The following GC variants were observed in gnomAD, a reference collection of about 807,000 sequenced individuals.
GC encodes the protein vitamin D-binding protein.
In GC, 43 loss-of-function variants were observed where a neutral mutation model predicts 56.7. The ratio of observed to expected loss-of-function variants is 0.76; its 90% confidence interval spans 0.59 to 0.98. The LOEUF is 0.98. GC is among the 50% of genes least tolerant of loss of function. The pLI, the probability that GC is intolerant of heterozygous loss-of-function variation, is 0.00. For synonymous variants in GC, 216 were observed against 202.7 expected (o/e 1.07, Z -0.56); for missense variants, 529 against 545.9 (o/e 0.97, Z 0.31).
In GC at chr4:71,797,401, C is replaced by T. The variant is rs10008328; in HGVS notation, c.21+6525G>A. On this transcript the variant is annotated intron_variant, in intron 1 of 13. Coordinates refer to the GC transcript ENST00000504199. ...CTACTCAAGCCTCAGCAATGGGGGA[C>T]ACCCCTCCTCCCGCTCAGCTGCAGC... 0.012 allele frequency among the ~76,000 whole-genome samples: 1,795 copies of T among 152,332 alleles called. 74 individuals carry two copies. The East Asian group carries it at 0.16, about 14-fold the overall frequency.
chr4:71,771,076 AG>A (rs1333539957), intron 1 of GC, among the ~76,000 whole-genome samples: 1 of 152,186 alleles, frequency 6.6e-6, no homozygotes, highest in Non-Finnish European at 1.5e-5. Context: ...AAAAAAATGT[AG>A]GAAGTATATA....
chr4:71,783,757 C>T (rs1742759190), intron 1 of GC, among the ~76,000 whole-genome samples: 1 of 151,612 alleles, frequency 6.6e-6, no homozygotes, highest in South Asian at 2.1e-4. Context: ...TAACAAGATT[C>T]TTGTGTTGAT....
rs781140032 is a variant in GC at position 71,768,394 on chromosome 4, C to T, written c.168G>A (p.Thr56=). 1.7e-5 allele frequency: 28 copies of T among 1,613,258 alleles called. No individual in the cohort carries two copies. Among genetic ancestry groups the T allele is most frequent in the South Asian group, 7.7e-5 (7 of 90,956 alleles). The change falls in exon 3 of 13, where the codon ACG becomes ACA. Residue 56 remains threonine, a synonymous_variant. Coordinates refer to ENST00000273951, the MANE Select transcript of GC (RefSeq NM_000583.4). ...TCACAAGTTGGCTGACCTGTTCAAA[C>T]GTGCCACTGGGAAATTTTCTACTGT... ...VLYSRKFPSG[T]FEQVSQLVKE...
chr4:71,743,921 T>C (rs1741265429), intron 12 of GC, among the ~76,000 whole-genome samples: 1 of 152,204 alleles, frequency 6.6e-6, no homozygotes, highest in Non-Finnish European at 1.5e-5. Context: ...TCCATCCAGA[T>C]GATCAAAATG....
intron 1 of GC, among the ~76,000 whole-genome samples, chr4:71,770,740 A>G (rs957051171): frequency 1.3e-5 from 2 of 152,166 alleles, no homozygotes; most frequent in Non-Finnish European, 2.9e-5. Flanking sequence ...ACCACAGGCA[A>G]TAGAACTGAA....
intron 1 of GC, 145 bp from the exon 2 acceptor site, chr4:71,769,545 G>T: frequency 1.7e-6 from 1 of 590,856 alleles, no homozygotes; most frequent in Admixed American, 2.8e-5. Flanking sequence ...TATTTTGGGG[G>T]CCTTTCTAGC....
intron 1 of GC, among the ~76,000 whole-genome samples, chr4:71,803,006 C>A (rs1437441194): frequency 6.6e-6 from 1 of 152,044 alleles, no homozygotes; most frequent in African/African-American, 2.4e-5. Context: ...AAGTCAGGGA[C>A]CGTCTGTATT....
At chr4:71,771,117 A>C (rs1239644606) in intron 1 of GC, among the ~76,000 whole-genome samples, 1 of 152,144 alleles carries the variant, frequency 6.6e-6, no homozygotes, top group African/African-American at 2.4e-5. Context: ...AGTGGCTTTA[A>C]CTTTTAGTGG....
At chr4:71,784,316 T>A, upstream of GC, 1 of 1,082,668 alleles carries the variant, frequency 9.2e-7, no homozygotes, top group Non-Finnish European at 1.1e-6. Flanking sequence ...AGCCAAGGTA[T>A]ATAGATTATT....
chr4:71,767,608 G>C (rs1742197654), intron 3 of GC, among the ~76,000 whole-genome samples: 1 of 146,006 alleles, frequency 6.8e-6, no homozygotes, highest in Non-Finnish European at 1.5e-5. Context: ...TTCATGAGCT[G>C]ATATATATAT....
intron 3 of GC, among the ~76,000 whole-genome samples, chr4:71,765,854 C>T (rs1742137972): frequency 6.6e-6 from 1 of 152,086 alleles, no homozygotes; most frequent in African/African-American, 2.4e-5. Context: ...TAAATGACTC[C>T]TCAGAGTAGA....
At chr4:71,761,719 G>T (rs756038650) in intron 6 of GC, among the ~76,000 whole-genome samples, 1 of 152,186 alleles carries the variant, frequency 6.6e-6, no homozygotes, top group African/African-American at 2.4e-5. Context: ...TCCAACCATG[G>T]CTGAAAGGGG....
upstream of GC, among the ~76,000 whole-genome samples, chr4:71,805,249 T>C (rs1472755983): frequency 1.3e-5 from 2 of 152,206 alleles, no homozygotes; most frequent in Non-Finnish European, 2.9e-5. Flanking sequence ...CTGATAACTG[T>C]TGTCCCATGA....
chr4:71,758,654 G>A (rs1413595877), intron 6 of GC, among the ~76,000 whole-genome samples: 1 of 152,084 alleles, frequency 6.6e-6, no homozygotes, highest in African/African-American at 2.4e-5. Context: ...TGAATGGTAT[G>A]CTATACTATT....
At chr4:71,767,811 C>G (rs1009833810) in intron 3 of GC, among the ~76,000 whole-genome samples, 3 of 151,860 alleles carry the variant, frequency 2.0e-5, no homozygotes, top group Non-Finnish European at 1.5e-5. Flanking sequence ...TCCCTCACCC[C>G]CTTCACCCTT....
chr4:71,789,055 G>A (rs1025308279), upstream of GC, among the ~76,000 whole-genome samples: 6 of 151,846 alleles, frequency 4.0e-5, no homozygotes, highest in Non-Finnish European at 4.4e-5. Context: ...TTAAAACTGT[G>A]TAATTACTTT....
At chr4:71,742,704 G>T (rs1301133798) in intron 12 of GC, among the ~76,000 whole-genome samples, 1 of 152,252 alleles carries the variant, frequency 6.6e-6, no homozygotes. Flanking sequence ...GCTGGGCATG[G>T]TGGCTCACGC....
chr4:71,791,973 T>C (rs182499087), intron 1 of GC, among the ~76,000 whole-genome samples: 2 of 152,214 alleles, frequency 1.3e-5, no homozygotes, highest in Admixed American at 1.3e-4. Flanking sequence ...GCTTCATCCA[T>C]GTCCCTGCAA....
At chr4:71,764,473 A>G (rs1742094733) in intron 4 of GC, among the ~76,000 whole-genome samples, 1 of 152,158 alleles carries the variant, frequency 6.6e-6, no homozygotes, top group Non-Finnish European at 1.5e-5. Context: ...AGGAGGGGCC[A>G]TTTGTCCCTT....
Sources: gnomAD v4.1 joint callset for allele counts (sites outside exome capture counted in the v4.1 genomes callset) on GRCh38, gnomAD v4.1.1 for gene constraint, MANE v1.5 for transcripts, NCBI Gene and HGNC (gene_info 2026-07-23, HGNC 2026-07-21) for gene names.